The following KIF5C variants were observed in gnomAD, a reference collection of about 807,000 sequenced individuals.
KIF5C encodes kinesin family member 5C, also known as kinesin heavy chain isoform 5C.
In KIF5C, 18 loss-of-function variants were observed where a neutral mutation model predicts 125.2. That is an observed-to-expected ratio of 0.14 (90% confidence interval 0.10 to 0.21). KIF5C has a LOEUF of 0.21. KIF5C is among the 10% of genes least tolerant of loss of function. The pLI is 1.00. For missense variants in KIF5C, 780 were observed against 1,183.8 expected (o/e 0.66, Z 5.01); for synonymous variants, 405 against 434.0 (o/e 0.93, Z 0.83).
At position 148,876,468 on chromosome 2, in the gene KIF5C, G is replaced by A. The variant is rs1681196282; in HGVS notation, c.126+725G>A. Among the ~76,000 whole-genome samples, 1 of 152,114 alleles carries A rather than the reference G, an allele frequency of 6.6e-6. No individual in the cohort carries two copies. On this transcript the variant is annotated intron_variant, in intron 1 of 25. Coordinates refer to ENST00000435030, the MANE Select transcript of KIF5C (RefSeq NM_004522.3). The surrounding 1 kb of genome is among the most constrained non-coding windows in gnomAD (Gnocchi z 4.7). Reference sequence around the variant, plus strand: ...CCCATGTCTGCAGACCCTCTGATGCGCCTCACGCTGGGTGGAGAGGAGGCT... The same window carrying A: ...CCCATGTCTGCAGACCCTCTGATGCACCTCACGCTGGGTGGAGAGGAGGCT...
At chr2:149,004,424 A>G (rs947654294) in intron 21 of KIF5C, among the ~76,000 whole-genome samples, 2 of 152,206 alleles carry the variant, frequency 1.3e-5, no homozygotes, top group East Asian at 1.9e-4. Flanking sequence ...CATATTTCCT[A>G]TGGTAAATAC....
At position 148,875,575 on chromosome 2, in the gene KIF5C, G is replaced by GGGCCCCCCCCC; in HGVS notation, c.-43_-42insGGCCCCCCCCC. ...TCCTCCCTCGTCGTTCCCGGCCCCG[G>GGGCCCCCCCCC]CCCCCCACCCATCCCCGTGCCCCCT... On this transcript the variant is annotated 5_prime_UTR_variant, in exon 1 of 26. Coordinates refer to ENST00000435030, the MANE Select transcript of KIF5C (RefSeq NM_004522.3). 2 of 699,604 alleles carry GGGCCCCCCCCC rather than the reference G, an allele frequency of 2.9e-6. No individual in the cohort carries two copies. The highest frequency in any genetic ancestry group is 5.1e-6 in the Non-Finnish European group (2 of 389,228). 43.3% of individuals were successfully genotyped at this position (699,604 alleles called of 1,614,324 possible).
At chr2:148,969,305 A>G (rs1202877778) in intron 11 of KIF5C, among the ~76,000 whole-genome samples, 2 of 152,180 alleles carry the variant, frequency 1.3e-5, no homozygotes, top group Non-Finnish European at 2.9e-5. Flanking sequence ...TGTAAGCCTT[A>G]TAGGTATGCT....
chr2:148,948,096 C>T, intron 8 of KIF5C: 1 of 436,354 alleles, frequency 2.3e-6, no homozygotes, highest in South Asian at 1.6e-5. Context: ...GCCTGTAATC[C>T]CAGCACTTTG....
intron 13 of KIF5C, among the ~76,000 whole-genome samples, 156 bp from the exon 14 acceptor site, chr2:148,981,199 A>G (rs1473827160): frequency 3.3e-5 from 5 of 152,196 alleles, no homozygotes; most frequent in African/African-American, 7.2e-5. Context: ...TTATTTTTTT[A>G]TCGTCTGGAC....
intron 15 of KIF5C, among the ~76,000 whole-genome samples, chr2:148,990,072 CTT>C: frequency 6.6e-6 from 1 of 152,296 alleles, no homozygotes; most frequent in South Asian, 2.1e-4. Context: ...TTTGTTTTCT[CTT>C]AAGGTGCTAG....
At chr2:148,897,385 T>C (rs778592388) in intron 1 of KIF5C, among the ~76,000 whole-genome samples, 7 of 152,192 alleles carry the variant, frequency 4.6e-5, no homozygotes, top group South Asian at 2.1e-4. Context: ...CTTTCAAAAA[T>C]TGAATTTTCC....
In KIF5C at chr2:148,875,589, C is replaced by CCG; in HGVS notation, c.-28_-27insGC. The CCG allele has an allele frequency of 7.9e-7, 1 of 1,258,242 alleles. No individual in the cohort carries two copies. Among genetic ancestry groups the CCG allele is most frequent in the Non-Finnish European group, 1.1e-6 (1 of 888,158 alleles). 77.9% of individuals were successfully genotyped at this position (1,258,242 alleles called of 1,614,324 possible). On this transcript the variant is annotated 5_prime_UTR_variant, in exon 1 of 26. Transcript: ENST00000435030. ...TCCCGGCCCCGGCCCCCCACCCATC[C>CCG]CCGTGCCCCCTCCCTACCGCCGGCC... is the stretch of plus-strand genomic sequence containing the variant.
chr2:148,981,244 T>C (rs1346895057), intron 13 of KIF5C, 111 bp from the exon 14 acceptor site: 11 of 1,430,116 alleles, frequency 7.7e-6, no homozygotes, highest in Non-Finnish European at 1.0e-5. Flanking sequence ...CTGAACTTTT[T>C]CAACTTGTTT....
chr2:148,881,052 G>A (rs1681335629), intron 1 of KIF5C, among the ~76,000 whole-genome samples: 1 of 150,054 alleles, frequency 6.7e-6, no homozygotes, highest in Non-Finnish European at 1.5e-5. Context: ...AGGGTCATTT[G>A]GATGAAATGA....
rs190117392 is a variant in KIF5C at position 148,903,164 on chromosome 2, C to T, written c.127-18973C>T. Among the ~76,000 whole-genome samples the T allele has an allele frequency of 5.3e-5, 8 of 152,300 alleles. No individual in the cohort carries two copies. The East Asian group carries it at 1.5e-3, about 29-fold the overall frequency. On this transcript the variant is annotated intron_variant, in intron 1 of 25. Transcript: ENST00000435030. Reference sequence around the variant, plus strand: ...GCTTTGATAGTCCTACCCTAGATTTCATGGTATTCCATACACCTAGTGCTA... The same window carrying T: ...GCTTTGATAGTCCTACCCTAGATTTTATGGTATTCCATACACCTAGTGCTA...
chr2:149,013,731 T>G (rs1682279183), intron 25 of KIF5C, among the ~76,000 whole-genome samples: 1 of 152,152 alleles, frequency 6.6e-6, no homozygotes, highest in South Asian at 2.1e-4. Context: ...GATTGTGCAG[T>G]GGGACAGTCA....
intron 1 of KIF5C, among the ~76,000 whole-genome samples, chr2:148,892,095 A>C (rs1435946673): frequency 6.6e-6 from 1 of 152,208 alleles, no homozygotes; most frequent in Non-Finnish European, 1.5e-5. Flanking sequence ...GAGGTTAAGC[A>C]AGTTGCTGAA....
At chr2:148,997,612 C>T (rs1418016456) in intron 18 of KIF5C, 5 of 473,832 alleles carry the variant, frequency 1.1e-5, no homozygotes, top group Non-Finnish European at 1.8e-5. Flanking sequence ...GGGTAGCACC[C>T]CCAATCACTG....
At chr2:149,001,370 C>T (rs529128468) in intron 21 of KIF5C, among the ~76,000 whole-genome samples, 1 of 152,264 alleles carries the variant, frequency 6.6e-6, no homozygotes, top group African/African-American at 2.4e-5. Context: ...GGCAACAGCT[C>T]ATGCCAAGGC....
At chr2:148,896,231 A>G (rs1442420686) in intron 1 of KIF5C, among the ~76,000 whole-genome samples, 1 of 152,172 alleles carries the variant, frequency 6.6e-6, no homozygotes, top group African/African-American at 2.4e-5. Context: ...TAGATTCCCT[A>G]GAAGAGAGCT....
At chr2:148,963,543 A>G (rs1682978579) in intron 11 of KIF5C, among the ~76,000 whole-genome samples, 1 of 152,230 alleles carries the variant, frequency 6.6e-6, no homozygotes, top group South Asian at 2.1e-4. Flanking sequence ...CTAGCAGCAC[A>G]CGTGTTTGGA....
intron 1 of KIF5C, among the ~76,000 whole-genome samples, chr2:148,884,606 C>T (rs904252488): frequency 7.9e-5 from 12 of 152,266 alleles, no homozygotes; most frequent in East Asian, 1.9e-4. Context: ...TGCTTTAAAG[C>T]GAAATCTTAA....
At chr2:148,919,134 G>A (rs1172898098) in intron 1 of KIF5C, among the ~76,000 whole-genome samples, 1 of 152,172 alleles carries the variant, frequency 6.6e-6, no homozygotes, top group Non-Finnish European at 1.5e-5. Flanking sequence ...AATGTCTAGA[G>A]GACATGTGAA....
Sources: gnomAD v4.1 joint callset for allele counts (sites outside exome capture counted in the v4.1 genomes callset) on GRCh38, gnomAD v4.1.1 for gene constraint, Gnocchi (gnomAD v3.1) non-coding constraint, MANE v1.5 for transcripts, NCBI Gene and HGNC (gene_info 2026-07-23, HGNC 2026-07-21) for gene names.